Variants in TJP1 observed in about 807,000 individuals in gnomAD.
TJP1 encodes tight junction protein 1.
Under a neutral mutation model 194.2 loss-of-function variants are expected in TJP1, and 43 were observed. That is an observed-to-expected ratio of 0.22 (90% CI 0.17 to 0.29). The LOEUF is 0.29. TJP1 is among the 10% of genes least tolerant of loss of function. The pLI, the probability that TJP1 is intolerant of heterozygous loss-of-function variation, is 1.00. For missense variants in TJP1, 1,971 were observed against 2,185.7 expected, an observed-to-expected ratio of 0.90 and a Z score of 1.96; for synonymous variants, 801 against 779.0, an observed-to-expected ratio of 1.03 and a Z score of -0.47.
chr15:29,905,651 A>G (rs2053783483), intron 2 of TJP1, among the ~76,000 whole-genome samples: 1 of 152,270 alleles, frequency 6.6e-6, no homozygotes, highest in Admixed American at 6.5e-5. Flanking sequence ...ACTGTGGTAC[A>G]TTTATTTACC....
intron 22 of TJP1, among the ~76,000 whole-genome samples, chr15:29,717,613 G>A (rs993084823): frequency 6.6e-6 from 1 of 152,176 alleles, no homozygotes; most frequent in Admixed American, 6.5e-5. Context: ...CTTAGCACAA[G>A]GGCAAGCACC....
chr15:29,790,541 T>TA (rs1449173966), intron 2 of TJP1, among the ~76,000 whole-genome samples: 3 of 152,214 alleles, frequency 2.0e-5, no homozygotes, highest in Admixed American at 6.5e-5. Context: ...TCTTTGCTGT[T>TA]ACGAACATTT....
intron 2 of TJP1, among the ~76,000 whole-genome samples, chr15:29,911,562 A>G (rs528281666): frequency 6.6e-6 from 1 of 152,306 alleles, no homozygotes; most frequent in South Asian, 2.1e-4. Flanking sequence ...ACATCTTCAC[A>G]TGGCCAGCAG....
chr15:29,895,489 A>G (rs1461085018), intron 2 of TJP1, among the ~76,000 whole-genome samples: 1 of 152,192 alleles, frequency 6.6e-6, no homozygotes, highest in African/African-American at 2.4e-5. Flanking sequence ...ATGGTTTCTA[A>G]TAACATGTTC....
intron 2 of TJP1, among the ~76,000 whole-genome samples, chr15:29,833,881 A>ATATTTT (rs1555434000): frequency 7.9e-5 from 1 of 12,616 alleles, no homozygotes; most frequent in African/African-American, 3.0e-4. Context: ...ATATATATAT[A>ATATTTT]TTTTTTTTTT....
chr15:29,853,200 A>G lies in TJP1; in HGVS notation c.307-52498T>C, dbSNP rs139210690. ...TCCATTTATAGAACATTTTAAAGTG[A>G]TAACATTTTAAAAATGGAGGATAGA... On this transcript the variant is annotated intron_variant, in intron 2 of 28. Transcript: ENST00000356107. Among the ~76,000 whole-genome samples, 513 of 152,326 alleles carry G rather than the reference A, an allele frequency of 3.4e-3. 5 individuals are homozygous for G. Among genetic ancestry groups the G allele is most frequent in the African/African-American group, 0.012 (489 of 41,564 alleles).
Position 29,701,300 on chromosome 15 carries a change from T to C in TJP1, c.*295A>G, listed in dbSNP as rs1350207721. 2 of 292,916 alleles carry C rather than the reference T, an allele frequency of 6.8e-6. No individual in the cohort carries two copies. The highest frequency in any genetic ancestry group is 2.1e-5 in the African/African-American group (1 of 47,514). 18.1% of individuals were successfully genotyped at this position (292,916 alleles called of 1,614,324 possible). ...TTACTGGCTGGTATTTTAACGGAAA[T>C]CAATATGTGAAGTTAAGCAGTGACG... On this transcript the variant is annotated 3_prime_UTR_variant, in exon 28 of 28. Coordinates refer to ENST00000614355, the MANE Select transcript of TJP1 (RefSeq NM_001330239.4).
chr15:29,788,121 G>GT (rs1412521272), intron 2 of TJP1, among the ~76,000 whole-genome samples: 7 of 152,140 alleles, frequency 4.6e-5, no homozygotes, highest in African/African-American at 1.7e-4. Flanking sequence ...CTTTGAGGAA[G>GT]TATCTATTCA....
At chr15:29,739,660 T>C (rs868595420) in intron 10 of TJP1, among the ~76,000 whole-genome samples, 3 of 152,056 alleles carry the variant, frequency 2.0e-5, no homozygotes, top group South Asian at 4.1e-4. Context: ...TCAGCCAGGA[T>C]GGTCTCAATC....
chr15:29,869,193 G>A (rs1213535777), intron 2 of TJP1, among the ~76,000 whole-genome samples: 3 of 152,212 alleles, frequency 2.0e-5, no homozygotes, highest in Admixed American at 6.5e-5. Context: ...AAGAGAAAGC[G>A]AGGGTGAACA....
intron 2 of TJP1, among the ~76,000 whole-genome samples, chr15:29,900,853 T>C (rs896303025): frequency 6.6e-6 from 1 of 152,168 alleles, no homozygotes; most frequent in African/African-American, 2.4e-5. Context: ...CAGGAGTTTA[T>C]GATCTAGTGA....
At chr15:29,939,334 T>C (rs1753388701) in intron 2 of TJP1, among the ~76,000 whole-genome samples, 2 of 152,148 alleles carry the variant, frequency 1.3e-5, no homozygotes, top group South Asian at 4.1e-4. Flanking sequence ...TCTTGGCACT[T>C]GGAGCTTTTG....
chr15:29,847,053 T>C (rs1037147400), intron 2 of TJP1, among the ~76,000 whole-genome samples: 1 of 152,232 alleles, frequency 6.6e-6, no homozygotes, highest in Non-Finnish European at 1.5e-5. Context: ...ACACTTACTA[T>C]ATGCAAAGCA....
chr15:29,772,249 C>G (rs1256662016), intron 3 of TJP1, 83 bp from the exon 4 acceptor site: 1 of 764,864 alleles, frequency 1.3e-6, no homozygotes, highest in Non-Finnish European at 2.1e-6. Context: ...ATAGGTACTT[C>G]TAAAATGTAA....
At chr15:29,834,828 C>G (rs1344461994) in intron 2 of TJP1, among the ~76,000 whole-genome samples, 2 of 152,138 alleles carry the variant, frequency 1.3e-5, no homozygotes, top group African/African-American at 4.8e-5. Context: ...TTCTGTTCTT[C>G]TGCTCCTGTT....
At chr15:29,880,331 T>G (rs1370537864) in intron 2 of TJP1, among the ~76,000 whole-genome samples, 1 of 152,214 alleles carries the variant, frequency 6.6e-6, no homozygotes, top group East Asian at 1.9e-4. Context: ...GTATTTAGTG[T>G]GTGTAATTTG....
chr15:29,821,221 G>A (rs2050317422), intron 1 of TJP1, among the ~76,000 whole-genome samples: 1 of 152,120 alleles, frequency 6.6e-6, no homozygotes, highest in Non-Finnish European at 1.5e-5. Flanking sequence ...AAAGCAATGG[G>A]AAAATGCAAT....
At chr15:29,712,341 C>G (rs1311518083) in intron 23 of TJP1, among the ~76,000 whole-genome samples, 1 of 152,186 alleles carries the variant, frequency 6.6e-6, no homozygotes, top group Non-Finnish European at 1.5e-5. Context: ...AACAGCCTCA[C>G]ATTAATTGCC....
At chr15:29,933,605 G>A (rs1246524183) in intron 2 of TJP1, among the ~76,000 whole-genome samples, 1 of 152,108 alleles carries the variant, frequency 6.6e-6, no homozygotes, top group Non-Finnish European at 1.5e-5. Flanking sequence ...AAAACAGATT[G>A]AAGGGATAGG....
Sources: gnomAD v4.1 joint callset for allele counts (sites outside exome capture counted in the v4.1 genomes callset) on GRCh38, gnomAD v4.1.1 for gene constraint, MANE v1.5 for transcripts, NCBI Gene and HGNC (gene_info 2026-07-23, HGNC 2026-07-21) for gene names.